Variants in FZR1 observed in about 807,000 individuals in gnomAD.
FZR1 encodes the protein fizzy-related protein homolog.
Under a neutral mutation model 63.6 loss-of-function variants are expected in FZR1, and 11 were observed. The observed-to-expected ratio is 0.17, with a 90% CI of 0.11 to 0.29. FZR1 has a LOEUF of 0.29. Among genes scored for constraint, FZR1 ranks in the 10% least tolerant of loss-of-function variants. The pLI is 1.00. For missense variants in FZR1, 440 were observed against 687.5 expected (o/e 0.64, Z 4.03); for synonymous variants, 328 against 297.9 (o/e 1.10, Z -1.04).
intron 1 of FZR1, among the ~76,000 whole-genome samples, chr19:3,509,393 T>C (rs1051644586): frequency 2.7e-4 from 41 of 152,238 alleles, no homozygotes; most frequent in Non-Finnish European, 1.5e-4. Flanking sequence ...CACTCTCTCT[T>C]GGCTTCCTAC....
At position 3,525,124 on chromosome 19, in the gene FZR1, A is replaced by AGTT; in HGVS notation, c.70-743_70-742insTTG. Among the ~76,000 whole-genome samples, 1 of 152,172 alleles carries AGTT rather than the reference A, an allele frequency of 6.6e-6. No homozygotes were observed. Among genetic ancestry groups the AGTT allele is most frequent in the Admixed American group, 6.5e-5 (1 of 15,284 alleles). Reference sequence around the variant, plus strand: ...CACACTCCCAGGTGGCTCTGGGTACAGCTGTTGCGTGTCTTGTGCCGTCAA... The same window carrying AGTT: ...CACACTCCCAGGTGGCTCTGGGTACAGTTGCTGTTGCGTGTCTTGTGCCGTCAA... On this transcript the variant is annotated intron_variant, in intron 2 of 13. Coordinates refer to ENST00000441788, the MANE Select transcript of FZR1 (RefSeq NM_016263.4). This position sits in a 1 kb window ranked among gnomAD's most constrained non-coding sequence, Gnocchi z 4.2.
intron 12 of FZR1, 155 bp from the exon 13 acceptor site, chr19:3,534,266 T>C (rs1362470837): frequency 1.4e-5 from 7 of 488,032 alleles, no homozygotes; most frequent in Admixed American, 7.7e-5. Flanking sequence ...CCTTGGTTTC[T>C]GCTTGTGGTG....
rs1236252046 is a variant in FZR1 at position 3,536,247 on chromosome 19, G to C, written c.*1411G>C. On this transcript the variant is annotated 3_prime_UTR_variant, in exon 14 of 14. Coordinates refer to ENST00000441788, the MANE Select transcript of FZR1 (RefSeq NM_016263.4). ...CTGGAAATGTTTGAGGCTAGACGGG[G>C]AGGGGCCAGGACCCACCCACTGCTC... 1 of 152,272 alleles carries C rather than the reference G, an allele frequency of 6.6e-6. No homozygotes were observed. Among genetic ancestry groups the C allele is most frequent in the African/African-American group, 2.4e-5 (1 of 41,452 alleles). The allele number at this position is 152,272 out of a possible 1,614,324, so 9.4% of individuals were successfully genotyped here. A position where few individuals can be genotyped will look rare whatever the true frequency, so the allele number is the denominator to read the frequency against.
At chr19:3,522,712 C>A (rs941230275) in intron 1 of FZR1, among the ~76,000 whole-genome samples, 3 of 152,200 alleles carry the variant, frequency 2.0e-5, no homozygotes, top group Non-Finnish European at 4.4e-5. Flanking sequence ...GCAGAAAGCC[C>A]CTTTCCCGGG....
rs2083139246 is a variant in FZR1 at position 3,525,062 on chromosome 19, A to G, written c.70-806A>G. On this transcript the variant is annotated intron_variant, in intron 2 of 13. Transcript: ENST00000441788. This position sits in a 1 kb window ranked among gnomAD's most constrained non-coding sequence, Gnocchi z 4.2. The stretch of plus-strand genomic sequence containing the variant: ...CAGTCAGATGGGGTTGGAGGGTTAG[A>G]CGGGTGTTGTGGGCAGCAGGAGATG... Among the ~76,000 whole-genome samples, 1 of 151,996 alleles carries G rather than the reference A, an allele frequency of 6.6e-6. No homozygotes were observed. Among genetic ancestry groups the G allele is most frequent in the African/African-American group, 2.4e-5 (1 of 41,362 alleles).
At position 3,516,768 on chromosome 19, in the gene FZR1, G is replaced by A. The variant is rs963964024; in HGVS notation, c.-34-6188G>A. Among the ~76,000 whole-genome samples, 4 of 152,240 alleles carry A rather than the reference G, an allele frequency of 2.6e-5. No individual in the cohort carries two copies. Among genetic ancestry groups the A allele is most frequent in the Admixed American group, 6.5e-5 (1 of 15,286 alleles). ...GTTTTGCCCACCAGCCTTGGGCAGC[G>A]TTGAGTGAGTTGTGTGGCCAGTAGA... On this transcript the variant is annotated intron_variant, in intron 1 of 13. Coordinates refer to ENST00000441788, the MANE Select transcript of FZR1 (RefSeq NM_016263.4). The surrounding 1 kb of genome is among the most constrained non-coding windows in gnomAD (Gnocchi z 6.0).
In FZR1 at chr19:3,525,419, C is replaced by T. The variant is rs1345642478; in HGVS notation, c.70-449C>T. 6.7e-6 allele frequency among the ~76,000 whole-genome samples: 1 copy of T among 149,250 alleles called. No individual in the cohort carries two copies. Among genetic ancestry groups the T allele is most frequent in the African/African-American group, 2.5e-5 (1 of 39,518 alleles). On this transcript the variant is annotated intron_variant, in intron 2 of 13. Coordinates refer to ENST00000441788, the MANE Select transcript of FZR1 (RefSeq NM_016263.4). The surrounding 1 kb of genome is among the most constrained non-coding windows in gnomAD (Gnocchi z 4.2). ...GACCACGAGTGACTGTGTGGCTCCC[C>T]TCCTTGGGTTTTCTTTTTTTTTTTT... is the stretch of plus-strand genomic sequence containing the variant.
chr19:3,532,446 C>T lies in FZR1; in HGVS notation c.1038C>T (p.Ser346=). The T allele has an allele frequency of 6.3e-7, 1 of 1,594,278 alleles. No homozygotes were observed. Among genetic ancestry groups the T allele is most frequent in the Non-Finnish European group, 8.6e-7 (1 of 1,168,684 alleles). The change falls in exon 11 of 14, where the codon AGC becomes AGT. Residue 346 remains serine (S), a synonymous_variant. Transcript: ENST00000441788. ...KLLVWNHSSL[S]PVQQYTEHLA... ...TGGTCTGGAATCACTCGAGCCTGAGCCCCGTGCAGCAGTACACGGAGCACC... is the reference window on the plus strand; with the variant it reads ...TGGTCTGGAATCACTCGAGCCTGAGTCCCGTGCAGCAGTACACGGAGCACC...
intron 2 of FZR1, among the ~76,000 whole-genome samples, chr19:3,523,303 G>A (rs1222283683): frequency 6.6e-6 from 1 of 152,254 alleles, no homozygotes; most frequent in Non-Finnish European, 1.5e-5. Context: ...TGGTGGAGCT[G>A]GGGCGGCCGC....
chr19:3,512,039 C>T (rs535942466), intron 1 of FZR1, among the ~76,000 whole-genome samples: 5 of 152,256 alleles, frequency 3.3e-5, no homozygotes, highest in African/African-American at 1.2e-4. Context: ...CCACCTGCCC[C>T]GGGAGCCCCA....
Position 3,516,628 on chromosome 19 carries a change from TC to T in FZR1, c.-34-6326del, listed in dbSNP as rs1449320074. 6.6e-6 allele frequency among the ~76,000 whole-genome samples: 1 copy of T among 151,820 alleles called. No individual in the cohort carries two copies. Among genetic ancestry groups the T allele is most frequent in the Non-Finnish European group, 1.5e-5 (1 of 67,922 alleles). ...GCCCCAGGCCCGGGATACAGGACCC[TC>T]CAGATCTCGGAGGTGGGAAGACAGT... On this transcript the variant is annotated intron_variant, in intron 1 of 13. Coordinates refer to ENST00000441788, the MANE Select transcript of FZR1 (RefSeq NM_016263.4). The surrounding 1 kb of genome is among the most constrained non-coding windows in gnomAD (Gnocchi z 6.0).
At position 3,515,686 on chromosome 19, in the gene FZR1, G is replaced by A. The variant is rs968683359; in HGVS notation, c.-34-7270G>A. 6.6e-6 allele frequency among the ~76,000 whole-genome samples: 1 copy of A among 151,440 alleles called. No individual in the cohort carries two copies. The highest frequency in any genetic ancestry group is 2.4e-5 in the African/African-American group (1 of 41,158). On this transcript the variant is annotated intron_variant, in intron 1 of 13. Transcript: ENST00000441788. The surrounding 1 kb of genome is among the most constrained non-coding windows in gnomAD (Gnocchi z 4.6). ...GGAGGCTGAGGCAGGAGAATGGTGT[G>A]AACCAGGAGGCGGAGCTTGCAGTGA...
chr19:3,513,392 C>G (rs971263260), intron 1 of FZR1, among the ~76,000 whole-genome samples: 2 of 152,190 alleles, frequency 1.3e-5, no homozygotes, highest in African/African-American at 4.8e-5. Flanking sequence ...AGTGCTGAGT[C>G]TAGGACACTT....
chr19:3,513,696 G>A (rs973330334), intron 1 of FZR1, among the ~76,000 whole-genome samples: 3 of 152,132 alleles, frequency 2.0e-5, no homozygotes, highest in East Asian at 1.9e-4. Context: ...GGGATGTGGC[G>A]GCACCCATGA....
At chr19:3,528,957 T>TGAGTGGATGGGA (rs2083195424) in intron 7 of FZR1, among the ~76,000 whole-genome samples, 1 of 103,790 alleles carries the variant, frequency 9.6e-6, no homozygotes, top group African/African-American at 3.8e-5. Flanking sequence ...AGCGGATGGG[T>TGAGTGGATGGGA]GAGTGGATGG....
intron 1 of FZR1, among the ~76,000 whole-genome samples, chr19:3,517,047 G>A (rs2083063485): frequency 6.6e-6 from 1 of 152,354 alleles, no homozygotes; most frequent in Admixed American, 6.5e-5. Context: ...CTCAGTGCAC[G>A]CGGTTACCAC....
intron 7 of FZR1, among the ~76,000 whole-genome samples, chr19:3,530,397 CGGATGGGAGA>C: frequency 8.7e-6 from 1 of 114,924 alleles, no homozygotes; most frequent in Non-Finnish European, 1.8e-5. Flanking sequence ...GATGGGTGAG[CGGATGGGAGA>C]GCGCATGGGA....
At position 3,535,097 on chromosome 19, in the gene FZR1, T is replaced by C; in HGVS notation, c.*261T>C. On this transcript the variant is annotated 3_prime_UTR_variant, in exon 14 of 14. Coordinates refer to ENST00000441788, the MANE Select transcript of FZR1 (RefSeq NM_016263.4). ...CCTTCCCAAAGGGCGAGAACCACAT[T>C]GGACGGTCCCGGCTCAGACCGTCTG... The C allele has an allele frequency of 3.6e-6, 2 of 552,148 alleles. No individual in the cohort carries two copies. The highest frequency in any genetic ancestry group is 4.0e-5 in the South Asian group (2 of 49,470). 34.2% of individuals were successfully genotyped at this position (552,148 alleles called of 1,614,324 possible).
chr19:3,529,102 G>A (rs78638119), intron 7 of FZR1, among the ~76,000 whole-genome samples: 8,663 of 95,262 alleles, frequency 0.091, 1,238 homozygotes, highest in African/African-American at 0.32. Context: ...AGACGGTTGA[G>A]CGGATGGGAG....
Sources: gnomAD v4.1 joint callset for allele counts (sites outside exome capture counted in the v4.1 genomes callset) on GRCh38, gnomAD v4.1.1 for gene constraint, Gnocchi (gnomAD v3.1) non-coding constraint, MANE v1.5 for transcripts, NCBI Gene and HGNC (gene_info 2026-07-23, HGNC 2026-07-21) for gene names.